Variants in UGT1A3 observed in about 807,000 individuals in gnomAD.
UGT1A3 encodes UDP glucuronosyltransferase family 1 member A3.
Under a neutral mutation model 41.0 loss-of-function variants are expected in UGT1A3, and 31 were observed. That is an observed-to-expected ratio of 0.76 (90% CI 0.57 to 1.02). UGT1A3 has a LOEUF of 1.02. Among genes scored for constraint, UGT1A3 ranks in the 50% least tolerant of loss-of-function variants. The pLI is 0.00. For missense variants in UGT1A3, 737 were observed against 671.0 expected (o/e 1.10, Z -1.09); for synonymous variants, 262 against 257.6 (o/e 1.02, Z -0.17).
chr2:233,768,117 TGTGA>T, intron 3 of UGT1A3, 99 bp from the exon 4 acceptor site: 1 of 1,600,038 alleles, frequency 6.2e-7, no homozygotes, highest in Non-Finnish European at 8.5e-7. Flanking sequence ...TGCAAGGGCA[TGTGA>T]GTAACACTGA....
chr2:233,766,272 G>C (rs1351320268), intron 1 of UGT1A3, among the ~76,000 whole-genome samples: 4 of 68,008 alleles, frequency 5.9e-5, no homozygotes, highest in Admixed American at 5.5e-4. Flanking sequence ...CCCGGGCTCG[G>C]TGGCCCGGGC....
chr2:233,755,207 C>T, intron 1 of UGT1A3: 1 of 1,062,486 alleles, frequency 9.4e-7, no homozygotes, highest in South Asian at 1.2e-5. Flanking sequence ...TGCGGTACGC[C>T]TTCTTGATAC....
rs1190713460 is a variant in UGT1A3 at position 233,755,086 on chromosome 2, G to T, written c.868-11948G>T. ...TCGCCATAGCGGTCATAGATATCGC[G>T]TTTCTACGCGTCCGACAACACCTCG... On this transcript the variant is annotated intron_variant, in intron 1 of 4. Coordinates refer to ENST00000482026, the MANE Select transcript of UGT1A3 (RefSeq NM_019093.4). The T allele has an allele frequency of 7.5e-6, 10 of 1,335,354 alleles. No homozygotes were observed. In the African/African-American group the frequency reaches 1.5e-4, roughly 20 times the overall value. 82.7% of individuals were successfully genotyped at this position (1,335,354 alleles called of 1,614,324 possible). A position where few individuals can be genotyped will look rare whatever the true frequency, so the allele number is the denominator to read the frequency against.
intron 3 of UGT1A3, 29 bp downstream of exon 3, chr2:233,767,965 C>T: frequency 3.1e-6 from 5 of 1,614,098 alleles, no homozygotes; most frequent in Non-Finnish European, 4.2e-6. Context: ...ATGTATAGGT[C>T]AAACCAGGGT....
chr2:233,767,370 A>G (rs1265140795), intron 2 of UGT1A3, among the ~76,000 whole-genome samples: 1 of 152,186 alleles, frequency 6.6e-6, no homozygotes, highest in Non-Finnish European at 1.5e-5. Context: ...CTATTAAACT[A>G]TGATCCACCA....
chr2:233,767,170 G>A lies in UGT1A3; in HGVS notation c.999+5G>A. 1.2e-6 allele frequency: 2 copies of A among 1,614,090 alleles called. No homozygotes were observed. Among genetic ancestry groups the A allele is most frequent in the South Asian group, 1.1e-5 (1 of 91,068 alleles). ...TTGGGCAAAATCCCTCAGACAGTAA[G>A]AAGATTCTATACCATGGCCTCATAT... is the stretch of plus-strand genomic sequence containing the variant. On this transcript the variant is annotated splice_donor_5th_base_variant and intron_variant, in intron 2 of 4. Transcript: ENST00000482026.
At chr2:233,738,669 A>C (rs1295571840) in intron 1 of UGT1A3, among the ~76,000 whole-genome samples, 2 of 152,218 alleles carry the variant, frequency 1.3e-5, no homozygotes, top group African/African-American at 4.8e-5. Context: ...CTTGAGAGAG[A>C]TGATCTGAAA....
chr2:233,759,382 A>C (rs1049531519), intron 1 of UGT1A3, among the ~76,000 whole-genome samples: 4 of 152,150 alleles, frequency 2.6e-5, no homozygotes, highest in Non-Finnish European at 2.9e-5. Context: ...GGTTTTCAGG[A>C]TACTCAGAGT....
chr2:233,741,753 A>G (rs1361803894), intron 1 of UGT1A3: 2 of 151,870 alleles, frequency 1.3e-5, no homozygotes, highest in African/African-American at 4.9e-5. Context: ...TTTGTTGGTT[A>G]ATGATGTGTT....
chr2:233,734,899 T>C (rs182449879), intron 1 of UGT1A3, among the ~76,000 whole-genome samples: 2 of 152,328 alleles, frequency 1.3e-5, no homozygotes, highest in East Asian at 3.9e-4. Flanking sequence ...TGATTTCTAT[T>C]CTTTTACATT....
At chr2:233,757,560 A>ATATATATATATG (rs904896556) in intron 1 of UGT1A3, among the ~76,000 whole-genome samples, 14 of 123,154 alleles carry the variant, frequency 1.1e-4, no homozygotes, top group African/African-American at 4.8e-4. Context: ...ATATATATAT[A>ATATATATATATG]TGTATATATG....
intron 1 of UGT1A3, among the ~76,000 whole-genome samples, chr2:233,761,736 C>T (rs111883427): frequency 6.5e-4 from 99 of 152,322 alleles, no homozygotes; most frequent in African/African-American, 2.3e-3. Flanking sequence ...TATTTTTCCC[C>T]TACAGAGTTT....
rs1361976171 is a variant in UGT1A3, at chr2:233,732,838, C to T, written c.867+2845C>T. ...ATATGAACTTTAAAGTAGTTTTTTC[C>T]AATTTTGTGAAGTCATTGGTAGCTT... On this transcript the variant is annotated intron_variant, in intron 1 of 4. Transcript: ENST00000482026. Among the ~76,000 whole-genome samples, 5 of 149,882 alleles carry T rather than the reference C, an allele frequency of 3.3e-5. No homozygotes were observed. The East Asian group carries it at 7.8e-4, about 23-fold the overall frequency.
intron 3 of UGT1A3, 80 bp from the exon 4 acceptor site, chr2:233,768,140 A>T: frequency 6.2e-7 from 1 of 1,609,884 alleles, no homozygotes; most frequent in Non-Finnish European, 8.5e-7. Flanking sequence ...GAGTCTTTGG[A>T]GTGTTTTCAG....
chr2:233,766,357 C>T (rs1461708777), intron 1 of UGT1A3, among the ~76,000 whole-genome samples: 1 of 152,122 alleles, frequency 6.6e-6, no homozygotes, highest in Non-Finnish European at 1.5e-5. Flanking sequence ...CCTGCCGGTG[C>T]CTGTTGGTGA....
rs527503361 is a variant in UGT1A3 at position 233,743,746 on chromosome 2, C to G, written c.867+13753C>G. 8 of 1,367,246 alleles carry G rather than the reference C, an allele frequency of 5.9e-6. No individual in the cohort carries two copies. The South Asian group carries it at 6.8e-5, about 12-fold the overall frequency. The allele number at this position is 1,367,246 out of a possible 1,614,324, so 84.7% of individuals were successfully genotyped here. On this transcript the variant is annotated intron_variant, in intron 1 of 4. Transcript: ENST00000482026. ...CATAGATATCGCGTTTCTTGGCGTC[C>G]GACAACACCTCGTAGGCCTCGGCCA...
At chr2:233,748,764 A>G (rs1260717219) in intron 1 of UGT1A3, among the ~76,000 whole-genome samples, 3 of 151,530 alleles carry the variant, frequency 2.0e-5, no homozygotes, top group Non-Finnish European at 4.4e-5. Flanking sequence ...TTTTGGTTGC[A>G]GGTCAATTGG....
chr2:233,734,394 G>A (rs574179934), intron 1 of UGT1A3, among the ~76,000 whole-genome samples: 7 of 152,088 alleles, frequency 4.6e-5, no homozygotes, highest in South Asian at 2.1e-4. Flanking sequence ...TTTTTATTGC[G>A]TCTATTTGAT....
chr2:233,760,321 G>A, intron 1 of UGT1A3: 1 of 1,614,014 alleles, frequency 6.2e-7, no homozygotes, highest in Non-Finnish European at 8.5e-7. Context: ...ACGCCCACTT[G>A]TCCTGGGCCT....
Sources: allele counts gnomAD v4.1 joint callset (sites outside exome capture counted in the v4.1 genomes callset), GRCh38; gene constraint gnomAD v4.1.1; transcripts MANE v1.5; gene names NCBI Gene and HGNC (gene_info 2026-07-23, HGNC 2026-07-21).